RALYL: variants seen among roughly 807,000 people sequenced by gnomAD.
The protein encoded by RALYL is RNA-binding Raly-like protein.
In RALYL, 29 loss-of-function variants were observed where a neutral mutation model predicts 35.1. The ratio of observed to expected loss-of-function variants is 0.83; its 90% CI spans 0.61 to 1.13. The LOEUF (loss-of-function observed/expected upper bound fraction) is 1.13. RALYL is among the 50% of genes most tolerant of loss of function. RALYL has a pLI of 0.00. For missense variants in RALYL, 359 were observed against 360.4 expected (o/e 1.00, Z 0.03); for synonymous variants, 120 against 127.6 (o/e 0.94, Z 0.40).
chr8:84,327,431 G>A (rs1266541014), intron 1 of RALYL, among the ~76,000 whole-genome samples: 1 of 152,038 alleles, frequency 6.6e-6, no homozygotes, highest in Non-Finnish European at 1.5e-5. Context: ...GGCAGCTTGT[G>A]GTGTGATGTA....
intron 2 of RALYL, among the ~76,000 whole-genome samples, chr8:84,622,815 C>T (rs1019575684): frequency 5.9e-5 from 9 of 152,126 alleles, no homozygotes; most frequent in Non-Finnish European, 1.3e-4. Context: ...GAAAAATAGA[C>T]ATATCTGTGT....
chr8:84,889,363 C>T (rs777905709), intron 8 of RALYL, among the ~76,000 whole-genome samples: 2 of 152,152 alleles, frequency 1.3e-5, no homozygotes, highest in Non-Finnish European at 2.9e-5. Context: ...ACAATGGTTA[C>T]TTCTCTGTTC....
intron 1 of RALYL, among the ~76,000 whole-genome samples, chr8:84,338,912 A>G (rs189954399): frequency 4.5e-4 from 69 of 152,242 alleles, no homozygotes; most frequent in Non-Finnish European, 6.0e-4. Flanking sequence ...GTAACCTGCA[A>G]TCCCTTCAAA....
At chr8:84,652,265 T>A (rs1420454964) in intron 2 of RALYL, among the ~76,000 whole-genome samples, 4 of 152,122 alleles carry the variant, frequency 2.6e-5, no homozygotes, top group Non-Finnish European at 5.9e-5. Flanking sequence ...AGAAATTATC[T>A]CTCTATTATA....
At chr8:84,257,296 C>A (rs1020201553) in intron 1 of RALYL, among the ~76,000 whole-genome samples, 2 of 152,030 alleles carry the variant, frequency 1.3e-5, no homozygotes, top group African/African-American at 4.8e-5. Flanking sequence ...GCCCCACTTT[C>A]AGCATGAATT....
intron 1 of RALYL, among the ~76,000 whole-genome samples, chr8:84,368,820 C>G (rs949426427): frequency 6.6e-6 from 1 of 152,186 alleles, no homozygotes; most frequent in African/African-American, 2.4e-5. Context: ...GGGGACACAA[C>G]CAAACCATAT....
At chr8:84,899,704 ATTGACTCTATCGTG>A (rs377485028) in intron 8 of RALYL, among the ~76,000 whole-genome samples, 17 of 152,336 alleles carry the variant, frequency 1.1e-4, no homozygotes, top group African/African-American at 4.1e-4. Context: ...ACACAGCAGT[ATTGACTCTATCGTG>A]TTGGTTTTCA....
intron 2 of RALYL, among the ~76,000 whole-genome samples, chr8:84,648,742 A>G (rs969863816): frequency 6.6e-6 from 1 of 151,470 alleles, no homozygotes; most frequent in African/African-American, 2.4e-5. Flanking sequence ...TTATTAATAT[A>G]TTATTTGAAT....
In RALYL at chr8:84,315,309, T is replaced by G. The variant is rs556026946; in HGVS notation, c.-24+130885T>G. ...AGCTTTCAAAAGGATTGATGAAGTC[T>G]CTATGTACTGATGGGAGATAATCCC... On this transcript the variant is annotated intron_variant, in intron 1 of 8. Coordinates refer to ENST00000521268, the MANE Select transcript of RALYL (RefSeq NM_173848.7). 2.6e-5 allele frequency among the ~76,000 whole-genome samples: 4 copies of G among 152,316 alleles called. No individual in the cohort carries two copies. In the South Asian group the frequency reaches 8.3e-4, roughly 32 times the overall value.
chr8:84,671,427 C>T (rs879381433), intron 2 of RALYL, among the ~76,000 whole-genome samples: 12 of 152,198 alleles, frequency 7.9e-5, no homozygotes, highest in Admixed American at 7.2e-4. Context: ...GCGTAGGGAG[C>T]TCTAACCCCA....
At chr8:84,654,702 C>T (rs2131579376) in intron 2 of RALYL, among the ~76,000 whole-genome samples, 1 of 152,182 alleles carries the variant, frequency 6.6e-6, no homozygotes, top group Non-Finnish European at 1.5e-5. Context: ...CTGTGCCTGG[C>T]TTATGTCACT....
intron 1 of RALYL, among the ~76,000 whole-genome samples, chr8:84,224,249 T>C (rs938548490): frequency 3.3e-5 from 5 of 152,192 alleles, no homozygotes; most frequent in African/African-American, 1.2e-4. Context: ...AGAGTTACTT[T>C]CCCAAATGGC....
intron 2 of RALYL, among the ~76,000 whole-genome samples, chr8:84,750,916 A>G (rs1219437788): frequency 6.6e-6 from 1 of 152,188 alleles, no homozygotes; most frequent in Non-Finnish European, 1.5e-5. Context: ...GTATTCTATT[A>G]TAAGCAACAG....
chr8:84,665,431 T>C (rs1831810586), intron 2 of RALYL, among the ~76,000 whole-genome samples: 1 of 152,082 alleles, frequency 6.6e-6, no homozygotes, highest in African/African-American at 2.4e-5. Flanking sequence ...AGTATTTGTC[T>C]GGTCCTGTGC....
intron 2 of RALYL, among the ~76,000 whole-genome samples, chr8:84,613,399 T>A (rs1301675118): frequency 4.0e-5 from 6 of 151,560 alleles, no homozygotes; most frequent in Non-Finnish European, 7.4e-5. Flanking sequence ...TGTGACATTA[T>A]CCTGACTCTT....
intron 1 of RALYL, among the ~76,000 whole-genome samples, chr8:84,464,173 G>A (rs948290985): frequency 2.7e-5 from 4 of 149,710 alleles, no homozygotes; most frequent in African/African-American, 7.4e-5. Context: ...TAAGTTTTAG[G>A]GTACATGTGC....
At chr8:84,888,461 A>T (rs1019493201) in intron 8 of RALYL, among the ~76,000 whole-genome samples, 1 of 152,202 alleles carries the variant, frequency 6.6e-6, no homozygotes, top group East Asian at 1.9e-4. Context: ...ATGAAATTAA[A>T]TATACTATCT....
At chr8:84,282,821 A>G (rs1395511546) in intron 1 of RALYL, among the ~76,000 whole-genome samples, 1 of 151,772 alleles carries the variant, frequency 6.6e-6, no homozygotes, top group East Asian at 1.9e-4. Context: ...AGTTGAGTAT[A>G]TATGTATAGG....
At chr8:84,622,892 T>C (rs1821868064) in intron 2 of RALYL, among the ~76,000 whole-genome samples, 1 of 152,120 alleles carries the variant, frequency 6.6e-6, no homozygotes, top group Admixed American at 6.5e-5. Context: ...AAATAGTAAA[T>C]GTATTTATTA....
Sources: allele counts gnomAD v4.1 joint callset (sites outside exome capture counted in the v4.1 genomes callset), GRCh38; gene constraint gnomAD v4.1.1; transcripts MANE v1.5; gene names NCBI Gene and HGNC (gene_info 2026-07-23, HGNC 2026-07-21).